The following TEX14 variants were observed in gnomAD, a reference collection of about 807,000 sequenced individuals.
TEX14 encodes testis expressed 14, intercellular bridge forming factor.
TEX14 carries 168 observed loss-of-function variants against 178.6 expected under a neutral mutation model. That is an observed-to-expected ratio of 0.94 (90% CI 0.83 to 1.07). The LOEUF (loss-of-function observed/expected upper bound fraction) is 1.07. Ranked by LOEUF, TEX14 falls within the 50% of genes least tolerant of loss-of-function variation. The probability of loss-of-function intolerance (pLI) is 0.00; values close to 1 mark genes in which losing one functional copy is unlikely to be tolerated. For missense variants in TEX14, 1,730 were observed against 1,753.6 expected (o/e 0.99, Z 0.24); for synonymous variants, 626 against 634.1 (o/e 0.99, Z 0.19).
At chr17:58,639,426 C>T (rs2046519416) in intron 2 of TEX14, among the ~76,000 whole-genome samples, 1 of 151,876 alleles carries the variant, frequency 6.6e-6, no homozygotes. Flanking sequence ...GTTGGCCGGG[C>T]GCGGTGGCTC....
intron 16 of TEX14, 53 bp downstream of exon 16, chr17:58,587,843 A>ACCCACCCCCCCCCC: frequency 3.6e-6 from 4 of 1,118,816 alleles, no homozygotes; most frequent in Non-Finnish European, 4.1e-6. Context: ...GGGTGCCAGA[A>ACCCACCCCCCCCCC]CCCACCCCCA....
At chr17:58,672,977 T>C (rs1024636430) in intron 1 of TEX14, among the ~76,000 whole-genome samples, 2 of 151,706 alleles carry the variant, frequency 1.3e-5, no homozygotes, top group Non-Finnish European at 1.5e-5. Context: ...AGTGATCTGC[T>C]AGCCTCGAAC....
At chr17:58,630,258 A>G (rs1236223384) in intron 3 of TEX14, among the ~76,000 whole-genome samples, 182 bp downstream of exon 3, 1 of 150,244 alleles carries the variant, frequency 6.7e-6, no homozygotes, top group African/African-American at 2.5e-5. Flanking sequence ...GGGTTTCACC[A>G]TGTTGGTGAG....
chr17:58,645,189 T>C (rs969793456), intron 2 of TEX14, among the ~76,000 whole-genome samples: 2 of 151,468 alleles, frequency 1.3e-5, no homozygotes, highest in African/African-American at 4.9e-5. Flanking sequence ...GATTTCACCA[T>C]GTTGACCAAG....
At chr17:58,581,990 G>A (rs968000681) in intron 19 of TEX14, among the ~76,000 whole-genome samples, 1 of 152,142 alleles carries the variant, frequency 6.6e-6, no homozygotes, top group Non-Finnish European at 1.5e-5. Flanking sequence ...AATGGGTGGA[G>A]ATGAGGTGAC....
rs113166867 is a variant in TEX14 at position 58,641,148 on chromosome 17, C to T, written c.137-10594G>A. Among the ~76,000 whole-genome samples the T allele has an allele frequency of 3.9e-5, 6 of 152,234 alleles. No homozygotes were observed. The South Asian group carries it at 6.2e-4, about 16-fold the overall frequency. On this transcript the variant is annotated intron_variant, in intron 2 of 31. Transcript: ENST00000349033. ...TCAGGTGGCTGAGAGCGGTAGCTCACGCCTATAATCCTAGCACTTTGGGAG... is the reference window on the plus strand; with the variant it reads ...TCAGGTGGCTGAGAGCGGTAGCTCATGCCTATAATCCTAGCACTTTGGGAG...
rs759385373 is a variant in TEX14, at chr17:58,565,773, G to C, written c.3938C>G (p.Ala1313Gly). ...ATTTGCAGTGCCTCCTCCATCACTT[G>C]CTGTGTTCTCATGCAACACCGTGGA... ...GSSTVLHENTASDGGGTANDQ... is the reference protein window; with the variant it reads ...GSSTVLHENTGSDGGGTANDQ... Residue 1313 changes from alanine to glycine, a missense_variant, in exon 27 of 32, where the codon GCA becomes GGA. Ala to Gly is a moderately conservative substitution (Grantham distance 60). Transcript: ENST00000349033. 3.1e-6 allele frequency: 5 copies of C among 1,610,260 alleles called. No individual in the cohort carries two copies. Among genetic ancestry groups the C allele is most frequent in the Non-Finnish European group, 4.2e-6 (5 of 1,178,316 alleles).
chr17:58,665,619 C>A (rs373859565), intron 1 of TEX14, among the ~76,000 whole-genome samples: 2 of 151,730 alleles, frequency 1.3e-5, no homozygotes, highest in African/African-American at 2.4e-5. Flanking sequence ...AACAAAAAAA[C>A]CCACAACTCA....
In TEX14 at chr17:58,587,905, T is replaced by A; in HGVS notation, c.2693A>T (p.Asp898Val). Reference protein sequence around the residue: ...GPSASPSCHWDSTRMSVEPVS... With the variant: ...GPSASPSCHWVSTRMSVEPVS... ...CCACAAGGATCCTTACCTGGTAGAG[T>A]CCCAGTGACAGCTGGGTGATGCAGA... The change falls in exon 16 of 32, where the codon GAC becomes GTC. Residue 898 changes from aspartate to valine, a missense_variant. Coordinates refer to ENST00000349033, the MANE Select transcript of TEX14 (RefSeq NM_031272.5). The A allele has an allele frequency of 6.2e-7, 1 of 1,603,524 alleles. No individual in the cohort carries two copies. Among genetic ancestry groups the A allele is most frequent in the Non-Finnish European group, 8.5e-7 (1 of 1,176,474 alleles).
At chr17:58,642,838 C>T (rs1305771660) in intron 2 of TEX14, among the ~76,000 whole-genome samples, 1 of 152,140 alleles carries the variant, frequency 6.6e-6, no homozygotes, top group East Asian at 1.9e-4. Context: ...GTGTGACTAT[C>T]ACTCCAGTAC....
At chr17:58,607,884 T>C (rs1390911113) in intron 10 of TEX14, among the ~76,000 whole-genome samples, 4 of 152,160 alleles carry the variant, frequency 2.6e-5, no homozygotes, top group Non-Finnish European at 4.4e-5. Context: ...TCCCAGTACT[T>C]TGGGAGGCCA....
intron 10 of TEX14, among the ~76,000 whole-genome samples, chr17:58,610,490 A>C (rs2045717957): frequency 6.6e-6 from 1 of 152,204 alleles, no homozygotes. Flanking sequence ...CAAGGCCTGA[A>C]AGGTGGTGAA....
rs761267656 is a variant in TEX14, at chr17:58,599,217, T to C, written c.2128A>G (p.Arg710Gly). The C allele has an allele frequency of 1.1e-5, 17 of 1,614,004 alleles. No homozygotes were observed. The highest frequency in any genetic ancestry group is 1.7e-5 in the Admixed American group (1 of 59,998). ...LSSLSLPEST[R>G]EAKSNLNNMS... ...TTGTTCAAATTGCTCTTGGCTTCTC[T>C]GGTTGACTCAGGAAGGCTGAGTGAA... The change falls in exon 14 of 32, where the codon AGA becomes GGA. Residue 710 changes from arginine (R) to glycine (G), a missense_variant. Arg to Gly is a moderately radical substitution (Grantham distance 125). Transcript: ENST00000349033.
chr17:58,665,177 AG>A (rs2047183442), intron 1 of TEX14, among the ~76,000 whole-genome samples: 1 of 152,046 alleles, frequency 6.6e-6, no homozygotes, highest in South Asian at 2.1e-4. Flanking sequence ...ATATTTATAG[AG>A]ATAGGGTCTC....
rs778722160 is a variant in TEX14, at chr17:58,561,502, C to T, written c.4157+18G>A. On this transcript the variant is annotated intron_variant, in intron 29 of 31. Coordinates refer to ENST00000349033, the MANE Select transcript of TEX14 (RefSeq NM_031272.5). Reference sequence around the variant, plus strand: ...TCCTGAAAAAGAAGAAAAGGATTCCCCTTTGGGGAACAATAACCTTTCAGA... The same window carrying T: ...TCCTGAAAAAGAAGAAAAGGATTCCTCTTTGGGGAACAATAACCTTTCAGA... The T allele has an allele frequency of 3.2e-6, 5 of 1,569,818 alleles. No individual in the cohort carries two copies. The highest frequency in any genetic ancestry group is 3.5e-6 in the Non-Finnish European group (4 of 1,140,506).
At chr17:58,659,287 T>A (rs940852710) in intron 1 of TEX14, 2 of 950,552 alleles carry the variant, frequency 2.1e-6, no homozygotes, top group African/African-American at 1.8e-5. Flanking sequence ...ACAGCGTCTC[T>A]CCCCCGCCAC....
At chr17:58,633,968 GA>G (rs34378655) in intron 2 of TEX14, among the ~76,000 whole-genome samples, 32,983 of 112,268 alleles carry the variant, frequency 0.29, 4,385 homozygotes, top group Middle Eastern at 0.5. Flanking sequence ...CTCTGTCTCC[GA>G]AAAAAAAAAA....
chr17:58,601,569 C>T (rs1223981733), intron 13 of TEX14, among the ~76,000 whole-genome samples: 3 of 152,006 alleles, frequency 2.0e-5, no homozygotes, highest in Non-Finnish European at 4.4e-5. Context: ...TGGCACATGC[C>T]TGTAATCCCA....
Position 58,617,923 on chromosome 17 carries a change from C to T in TEX14, c.555-304G>A, listed in dbSNP as rs143165777. Among the ~76,000 whole-genome samples, 101 of 152,312 alleles carry T rather than the reference C, an allele frequency of 6.6e-4. 1 individual carries two copies. Among genetic ancestry groups the T allele is most frequent in the African/African-American group, 2.4e-3 (100 of 41,566 alleles). ...CACTTTGAGGCTAAATCTACCAAGG[C>T]GTCAGCCCTGATCTCTCTTGGATCA... On this transcript the variant is annotated intron_variant, in intron 5 of 31. Transcript: ENST00000349033.
Sources: gnomAD v4.1 joint callset for allele counts (sites outside exome capture counted in the v4.1 genomes callset) on GRCh38, gnomAD v4.1.1 for gene constraint, MANE v1.5 for transcripts, NCBI Gene and HGNC (gene_info 2026-07-23, HGNC 2026-07-21) for gene names.